TLE3: variants seen among roughly 807,000 people sequenced by gnomAD.
The protein encoded by TLE3 is TLE family member 3, transcriptional corepressor.
In TLE3, 14 loss-of-function variants were observed where a neutral mutation model predicts 93.0. That is an observed-to-expected ratio of 0.15 (90% CI 0.10 to 0.24). TLE3 has a LOEUF of 0.24. Among genes scored for constraint, TLE3 ranks in the 10% least tolerant of loss-of-function variants. The pLI, the probability that TLE3 is intolerant of heterozygous loss-of-function variation, is 1.00. For missense variants in TLE3, 693 were observed against 1,046.6 expected (o/e 0.66, Z 4.66); for synonymous variants, 451 against 425.0 (o/e 1.06, Z -0.75).
intron 6 of TLE3, among the ~76,000 whole-genome samples, chr15:70,073,482 A>G (rs2057288965): frequency 6.6e-6 from 1 of 152,190 alleles, no homozygotes; most frequent in Admixed American, 6.5e-5. Flanking sequence ...AGGTTCCCAG[A>G]ATGTTAGAGT....
In TLE3 at chr15:70,096,239, G is replaced by A; in HGVS notation, c.47C>T (p.Pro16Leu). ...CTCAGCCACCGTGAATTTAAATCCC[G>A]GCTGCCCGGGTTGATGGGGAGCCTG... ...RHPAPHQPGQ[P>L]GFKFTVAESC... Residue 16 changes from proline (P) to leucine (L), a missense_variant, in exon 2 of 20, where the codon CCG becomes CTG. Physicochemically the swap from Pro to Leu is moderately conservative, Grantham distance 98. Coordinates refer to ENST00000451782, the MANE Select transcript of TLE3 (RefSeq NM_001105192.3). 1 of 1,555,728 alleles carries A rather than the reference G, an allele frequency of 6.4e-7. No homozygotes were observed. The highest frequency in any genetic ancestry group is 8.7e-7 in the Non-Finnish European group (1 of 1,149,456).
chr15:70,058,285 T>C lies in TLE3; in HGVS notation c.925A>G (p.Lys309Glu). The C allele has an allele frequency of 6.2e-7, 1 of 1,606,518 alleles. No homozygotes were observed. Among genetic ancestry groups the C allele is most frequent in the Non-Finnish European group, 8.5e-7 (1 of 1,176,046 alleles). ...GACTTGAGCCCAGGGGTGGAGGATT[T>C]GTCGTTCTGAAGAGGGGAGATGCAG... Reference protein sequence around the residue: ...SKTKDLGHNDKSSTPGLKSNT... With the variant: ...SKTKDLGHNDESSTPGLKSNT... The change falls in exon 12 of 20, where the codon AAA becomes GAA. Residue 309 changes from lysine (K) to glutamate (E), a missense_variant. Transcript: ENST00000451782. This position sits in a 1 kb window ranked among gnomAD's most constrained non-coding sequence, Gnocchi z 4.1.
At chr15:70,078,988 G>A (rs1477132818) in intron 4 of TLE3, among the ~76,000 whole-genome samples, 2 of 152,072 alleles carry the variant, frequency 1.3e-5, no homozygotes, top group African/African-American at 2.4e-5. Flanking sequence ...CAGCAAACAC[G>A]TGGCCAAAGG....
intron 6 of TLE3, chr15:70,067,064 T>G (rs2056860237): frequency 6.1e-6 from 1 of 164,222 alleles, no homozygotes; most frequent in Non-Finnish European, 1.4e-5. Flanking sequence ...TAAAATGGAT[T>G]GCTGAACCCT....
rs147741433 is a variant in TLE3 at position 70,071,988 on chromosome 15, C to T, written c.372+2545G>A. ...TCCTTCGCGGGAGTGCAGTCAAGCACGGCTCCCCAGTGCGAGCACGACTCG... is the reference window on the plus strand; with the variant it reads ...TCCTTCGCGGGAGTGCAGTCAAGCATGGCTCCCCAGTGCGAGCACGACTCG... On this transcript the variant is annotated intron_variant, in intron 6 of 19. Transcript: ENST00000451782. 2.3e-3 allele frequency among the ~76,000 whole-genome samples: 352 copies of T among 152,372 alleles called. 4 individuals carry two copies. The highest frequency in any genetic ancestry group is 7.6e-3 in the African/African-American group (318 of 41,596).
intron 16 of TLE3, chr15:70,053,910 A>G (rs897945559): frequency 6.2e-6 from 1 of 160,088 alleles, no homozygotes; most frequent in Non-Finnish European, 1.4e-5. Flanking sequence ...GCCCATGTAT[A>G]CAAGAGTCAG....
Position 70,096,757 on chromosome 15 carries a change from C to T in TLE3, c.24+18G>A. The stretch of plus-strand genomic sequence containing the variant: ...TGCCATGATAGATGCTTAAATAAAC[C>T]GAGTTGCAATTACTCACCGGATGTC... On this transcript the variant is annotated intron_variant, in intron 1 of 19. Transcript: ENST00000451782. 1.2e-6 allele frequency: 2 copies of T among 1,613,030 alleles called. No individual in the cohort carries two copies. Among genetic ancestry groups the T allele is most frequent in the Non-Finnish European group, 1.7e-6 (2 of 1,179,546 alleles).
intron 8 of TLE3, among the ~76,000 whole-genome samples, chr15:70,061,773 G>C (rs1384902693): frequency 6.6e-6 from 1 of 152,206 alleles, no homozygotes; most frequent in Non-Finnish European, 1.5e-5. Context: ...AGGAGTGGCA[G>C]AATGAATGAG....
In TLE3 at chr15:70,096,245, C is replaced by A; in HGVS notation, c.41G>T (p.Gly14Val). 6.4e-7 allele frequency: 1 copy of A among 1,554,876 alleles called. No individual in the cohort carries two copies. The highest frequency in any genetic ancestry group is 8.7e-7 in the Non-Finnish European group (1 of 1,149,038). ...QGRHPAPHQP[G>V]QPGFKFTVAE... ...CACCGTGAATTTAAATCCCGGCTGC[C>A]CGGGTTGATGGGGAGCCTGGAGCCC... is the stretch of plus-strand genomic sequence containing the variant. Residue 14 changes from glycine to valine, a missense_variant, in exon 2 of 20, where the codon GGG (glycine) becomes GTG (valine). Gly to Val is a moderately radical substitution (Grantham distance 109). Around this residue, in one of 4 missense-constraint regions of TLE3, gnomAD observed 31 missense variants for 24.0 expected, o/e 1.29. Transcript: ENST00000451782.
intron 1 of TLE3, 181 bp from the exon 2 acceptor site, chr15:70,096,442 G>A: frequency 5.7e-6 from 7 of 1,220,138 alleles, no homozygotes; most frequent in Non-Finnish European, 7.8e-6. Flanking sequence ...CTCCCCGTCG[G>A]CAGCGGGGCT....
intron 5 of TLE3, among the ~76,000 whole-genome samples, chr15:70,075,697 T>C (rs3817044): frequency 6.6e-6 from 1 of 152,132 alleles, no homozygotes; most frequent in East Asian, 1.9e-4. Context: ...AAGGTAGGCG[T>C]AGAAAGTGAC....
rs2055549856 is a variant in TLE3 at position 70,051,597 on chromosome 15, G to A, written c.2126-130C>T. The A allele has an allele frequency of 1.4e-5, 7 of 498,178 alleles. No individual in the cohort carries two copies. In the Admixed American group the frequency reaches 2.7e-4, roughly 19 times the overall value. The allele number at this position is 498,178 out of a possible 1,614,324, so 30.9% of individuals were successfully genotyped here. A position where few individuals can be genotyped will look rare whatever the true frequency, so the allele number is the denominator to read the frequency against. ...CTAACTAGTATAACTCTCCAATTTCGAGAGGCATTTTGCAAATGGGACATG... is the reference window on the plus strand; with the variant it reads ...CTAACTAGTATAACTCTCCAATTTCAAGAGGCATTTTGCAAATGGGACATG... On this transcript the variant is annotated intron_variant, in intron 18 of 19. Transcript: ENST00000451782.
rs115500715 is a variant in TLE3, at chr15:70,089,985, A to C, written c.234+4547T>G. Among the ~76,000 whole-genome samples, 709 of 152,312 alleles carry C rather than the reference A, an allele frequency of 4.7e-3. 8 individuals are homozygous for C. Among genetic ancestry groups the C allele is most frequent in the African/African-American group, 0.016 (684 of 41,572 alleles). On this transcript the variant is annotated intron_variant, in intron 4 of 19. Transcript: ENST00000451782. ...TTCCCACCCGTTGATCTGTAAAGTA[A>C]GGACAAGGGGCCATTTGCTCATCTC...
chr15:70,062,240 C>A (rs2056530664), intron 8 of TLE3, among the ~76,000 whole-genome samples: 1 of 152,238 alleles, frequency 6.6e-6, no homozygotes, highest in African/African-American at 2.4e-5. Context: ...GCGCGCACAG[C>A]CACAATTCAA....
rs1595844727 is a variant in TLE3 at position 70,049,956 on chromosome 15, C to G, written c.*141G>C. Reference sequence around the variant, plus strand: ...GACTGTGACGGGGCACGTGCCCTCTCAGCCGGCCGGAGCGCAGCCCTGAAC... The same window carrying G: ...GACTGTGACGGGGCACGTGCCCTCTGAGCCGGCCGGAGCGCAGCCCTGAAC... On this transcript the variant is annotated 3_prime_UTR_variant, in exon 20 of 20. Transcript: ENST00000451782. 2 of 663,526 alleles carry G rather than the reference C, an allele frequency of 3.0e-6. No individual in the cohort carries two copies. The highest frequency in any genetic ancestry group is 5.2e-5 in the East Asian group (2 of 38,330). 41.1% of individuals were successfully genotyped at this position (663,526 alleles called of 1,614,324 possible). A position where few individuals can be genotyped will look rare whatever the true frequency, so the allele number is the denominator to read the frequency against.
intron 9 of TLE3, among the ~76,000 whole-genome samples, chr15:70,060,154 G>C (rs1363619378): frequency 6.6e-6 from 1 of 152,234 alleles, no homozygotes; most frequent in Non-Finnish European, 1.5e-5. Flanking sequence ...GCATGCCTCA[G>C]GCCAACTGAG....
intron 12 of TLE3, 112 bp from the exon 13 acceptor site, chr15:70,057,770 GTCCT>G: frequency 1.5e-6 from 2 of 1,363,858 alleles, no homozygotes; most frequent in Non-Finnish European, 1.0e-6. Context: ...GCTCCAGGCA[GTCCT>G]CTCAGACTGA....
At chr15:70,052,984 CAATA>C in intron 17 of TLE3, 2 of 498,802 alleles carry the variant, frequency 4.0e-6, no homozygotes, top group Non-Finnish European at 7.1e-6. Context: ...ACAAAGTGCT[CAATA>C]GCAGCAGAGA....
intron 4 of TLE3, among the ~76,000 whole-genome samples, chr15:70,083,135 T>A (rs2057867041): frequency 6.6e-6 from 1 of 152,092 alleles, no homozygotes; most frequent in South Asian, 2.1e-4. Context: ...TAATCGGAGC[T>A]CTCAAAAATG....
Sources: gnomAD v4.1 joint callset for allele counts (sites outside exome capture counted in the v4.1 genomes callset) on GRCh38, gnomAD v4.1.1 for gene constraint, gnomAD v4.1.1 regional missense constraint, Gnocchi (gnomAD v3.1) non-coding constraint, MANE v1.5 for transcripts, NCBI Gene and HGNC (gene_info 2026-07-23, HGNC 2026-07-21) for gene names.